Variants in NR3C2 observed in about 807,000 individuals in gnomAD.
NR3C2 encodes the protein mineralocorticoid receptor.
NR3C2 carries 15 observed loss-of-function variants against 86.4 expected under a neutral mutation model. The observed-to-expected ratio is 0.17, with a 90% CI of 0.12 to 0.27. The LOEUF is 0.27. Ranked by LOEUF, NR3C2 falls within the 10% of genes least tolerant of loss-of-function variation. NR3C2 has a pLI of 1.00. For missense variants in NR3C2, 960 were observed against 1,195.6 expected, an observed-to-expected ratio of 0.80 and a Z score of 2.91; for synonymous variants, 458 against 450.5, an observed-to-expected ratio of 1.02 and a Z score of -0.21.
intron 2 of NR3C2, among the ~76,000 whole-genome samples, chr4:148,322,229 G>A (rs1322519580): frequency 1.3e-4 from 19 of 147,918 alleles, no homozygotes; most frequent in South Asian, 4.4e-4. Context: ...TGGCTTGTAG[G>A]GTTTCTGCTG....
intron 3 of NR3C2, among the ~76,000 whole-genome samples, chr4:148,225,307 G>C (rs1738088520): frequency 6.6e-6 from 1 of 152,120 alleles, no homozygotes; most frequent in African/African-American, 2.4e-5. Context: ...ACAGGTGAAA[G>C]AGTGGTTTAT....
intron 2 of NR3C2, among the ~76,000 whole-genome samples, chr4:148,316,356 C>T (rs939244072): frequency 5.3e-5 from 8 of 152,036 alleles, no homozygotes; most frequent in Non-Finnish European, 8.8e-5. Context: ...TATATTTATG[C>T]GGAACATGTA....
chr4:148,324,214 C>T (rs1743822070), intron 2 of NR3C2, among the ~76,000 whole-genome samples: 1 of 152,164 alleles, frequency 6.6e-6, no homozygotes, highest in African/African-American at 2.4e-5. Context: ...AATAAGGTCG[C>T]ACGGTATTTG....
At chr4:148,082,209 A>G (rs1456375634) in intron 8 of NR3C2, among the ~76,000 whole-genome samples, 2 of 152,188 alleles carry the variant, frequency 1.3e-5, no homozygotes, top group Admixed American at 6.5e-5. Context: ...GTGAACCAAG[A>G]ACTTTTCTCA....
At chr4:148,325,307 T>C (rs556001207) in intron 2 of NR3C2, among the ~76,000 whole-genome samples, 16 of 152,328 alleles carry the variant, frequency 1.1e-4, no homozygotes, top group Non-Finnish European at 2.2e-4. Context: ...CCTTACATAC[T>C]ACATATTACA....
At chr4:148,352,782 T>C (rs1488538454) in intron 2 of NR3C2, among the ~76,000 whole-genome samples, 2 of 151,526 alleles carry the variant, frequency 1.3e-5, no homozygotes, top group Non-Finnish European at 2.9e-5. Flanking sequence ...AGGTTCTTTT[T>C]GTTTTTGTTT....
intron 8 of NR3C2, among the ~76,000 whole-genome samples, chr4:148,110,871 C>T (rs763727203): frequency 2.4e-4 from 36 of 152,080 alleles, no homozygotes; most frequent in Non-Finnish European, 4.0e-4. Context: ...CACAGGCTAT[C>T]AGTGAAGGAT....
intron 2 of NR3C2, among the ~76,000 whole-genome samples, chr4:148,416,883 C>G (rs189838755): frequency 1.8e-4 from 28 of 152,216 alleles, no homozygotes; most frequent in African/African-American, 6.0e-4. Flanking sequence ...TCAAGTGATT[C>G]TCCTGCCTCA....
intron 4 of NR3C2, among the ~76,000 whole-genome samples, chr4:148,191,754 C>T (rs10012907): frequency 0.035 from 5,329 of 152,226 alleles, 317 homozygotes; most frequent in African/African-American, 0.12. Flanking sequence ...GAATTTCTTG[C>T]TTCTACTTGT....
chr4:148,353,722 C>T (rs1745412735), intron 2 of NR3C2, among the ~76,000 whole-genome samples: 1 of 152,140 alleles, frequency 6.6e-6, no homozygotes, highest in Admixed American at 6.5e-5. Context: ...AAGACCATCA[C>T]TGCTGCTCAG....
At chr4:148,379,709 TAAAGAG>T (rs1746864404) in intron 2 of NR3C2, among the ~76,000 whole-genome samples, 2 of 152,164 alleles carry the variant, frequency 1.3e-5, no homozygotes, top group African/African-American at 4.8e-5. Context: ...ATGCCAATGA[TAAAGAG>T]AAAGATGAGA....
At chr4:148,166,371 G>A (rs61757928) in intron 4 of NR3C2, among the ~76,000 whole-genome samples, 28 of 152,328 alleles carry the variant, frequency 1.8e-4, no homozygotes, top group Admixed American at 3.3e-4. Flanking sequence ...GCAGGGCCAC[G>A]CCAGAGTGGC....
intron 2 of NR3C2, among the ~76,000 whole-genome samples, chr4:148,347,559 A>G (rs1400587306): frequency 6.6e-6 from 1 of 152,108 alleles, no homozygotes; most frequent in African/African-American, 2.4e-5. Context: ...TCCATACCCA[A>G]TAAAATCAGT....
intron 3 of NR3C2, among the ~76,000 whole-genome samples, chr4:148,249,589 C>T (rs926871384): frequency 6.6e-6 from 1 of 152,084 alleles, no homozygotes; most frequent in East Asian, 1.9e-4. Context: ...TGTCGAATGT[C>T]GGTGATTTAA....
At chr4:148,129,006 C>T (rs557293936) in intron 6 of NR3C2, among the ~76,000 whole-genome samples, 1 of 152,324 alleles carries the variant, frequency 6.6e-6, no homozygotes, top group South Asian at 2.1e-4. Context: ...GAAAAAGCTT[C>T]TTTCTTGATG....
At chr4:148,401,971 C>T (rs1748191407) in intron 2 of NR3C2, among the ~76,000 whole-genome samples, 1 of 152,124 alleles carries the variant, frequency 6.6e-6, no homozygotes, top group African/African-American at 2.4e-5. Context: ...GTCTCTGTTA[C>T]AGTCTGAGGT....
intron 2 of NR3C2, among the ~76,000 whole-genome samples, chr4:148,365,395 C>T (rs1456265985): frequency 6.6e-6 from 1 of 152,172 alleles, no homozygotes; most frequent in Non-Finnish European, 1.5e-5. Context: ...TCAACCTGTA[C>T]TGGTAAAACC....
chr4:148,359,602 T>G (rs1186315768), intron 2 of NR3C2, among the ~76,000 whole-genome samples: 1 of 152,348 alleles, frequency 6.6e-6, no homozygotes, highest in East Asian at 1.9e-4. Flanking sequence ...GTATCAGAGT[T>G]TAAAGAGTTT....
intron 2 of NR3C2, among the ~76,000 whole-genome samples, chr4:148,430,185 G>A (rs996272798): frequency 3.9e-5 from 6 of 152,082 alleles, no homozygotes; most frequent in East Asian, 1.9e-4. Flanking sequence ...GTCTAAGTCC[G>A]TAGTATGTCA....
Sources: gnomAD v4.1 joint callset for allele counts (sites outside exome capture counted in the v4.1 genomes callset) on GRCh38, gnomAD v4.1.1 for gene constraint, MANE v1.5 for transcripts, NCBI Gene and HGNC (gene_info 2026-07-23, HGNC 2026-07-21) for gene names.